The following TXN2 variants were observed in gnomAD, a reference collection of about 807,000 sequenced individuals.
The protein encoded by TXN2 is thioredoxin, mitochondrial.
TXN2 carries 12 observed loss-of-function variants against 14.6 expected under a neutral mutation model. That is an observed-to-expected ratio of 0.82 (90% confidence interval 0.53 to 1.33). The LOEUF is 1.33. Among genes scored for constraint, TXN2 ranks in the 40% most tolerant of loss-of-function variants. The pLI is 0.00. For synonymous variants in TXN2, 89 were observed against 81.0 expected (o/e 1.10, Z -0.53); for missense variants, 173 against 207.7 (o/e 0.83, Z 1.03).
chr22:36,473,429 C>T (rs568151322), intron 3 of TXN2, among the ~76,000 whole-genome samples: 12 of 152,006 alleles, frequency 7.9e-5, no homozygotes, highest in Non-Finnish European at 1.6e-4. Flanking sequence ...GGCGACAGAG[C>T]GAGACTCCAT....
At chr22:36,475,523 T>C (rs1734272773) in intron 3 of TXN2, among the ~76,000 whole-genome samples, 1 of 152,194 alleles carries the variant, frequency 6.6e-6, no homozygotes, top group South Asian at 2.1e-4. Context: ...TTTTTGTAAA[T>C]AAAGTTTTAT....
intron 3 of TXN2, among the ~76,000 whole-genome samples, chr22:36,475,938 C>G (rs1486380007): frequency 6.6e-6 from 1 of 152,166 alleles, no homozygotes; most frequent in East Asian, 1.9e-4. Flanking sequence ...ATTCCCTGTC[C>G]CCTCCAGCTC....
At position 36,467,095 on chromosome 22, in the gene TXN2, C is replaced by T. The variant is rs1207305478; in HGVS notation, c.*709G>A. On this transcript the variant is annotated 3_prime_UTR_variant, in exon 4 of 4. Coordinates refer to ENST00000216185, the MANE Select transcript of TXN2 (RefSeq NM_012473.4). ...TGTCTGACTTGTTCACAGTTCAGCC[C>T]CCTGCTCAGAAAACCAACGGGCCAG... The T allele has an allele frequency of 6.5e-6, 1 of 153,364 alleles. No homozygotes were observed. Among genetic ancestry groups the T allele is most frequent in the Non-Finnish European group, 1.5e-5 (1 of 68,658 alleles). The allele number at this position is 153,364 out of a possible 1,614,324, so 9.5% of individuals were successfully genotyped here. A position where few individuals can be genotyped will look rare whatever the true frequency, so the allele number is the denominator to read the frequency against.
chr22:36,467,771 G>T lies in TXN2; in HGVS notation c.*33C>A. 6.3e-7 allele frequency: 1 copy of T among 1,575,608 alleles called. No homozygotes were observed. The highest frequency in any genetic ancestry group is 8.7e-7 in the Non-Finnish European group (1 of 1,146,504). On this transcript the variant is annotated 3_prime_UTR_variant, in exon 4 of 4. Transcript: ENST00000216185. ...GGGCTGAGTTCTATTGGGGTCCCAC[G>T]CGGGCAAGGGAACCAGGACTCATCC...
In TXN2 at chr22:36,480,779, G is replaced by C. The variant is rs771945917; in HGVS notation, c.59C>G (p.Ser20Cys). The C allele has an allele frequency of 6.2e-7, 1 of 1,612,642 alleles. No homozygotes were observed. Among genetic ancestry groups the C allele is most frequent in the Admixed American group, 1.7e-5 (1 of 59,846 alleles). Residue 20 changes from serine to cysteine, a missense_variant, in exon 2 of 4, where the codon TCT becomes TGT. Physicochemically the swap from Ser to Cys is moderately radical, Grantham distance 112. Transcript: ENST00000216185. ...FLASVISRKP[S>C]QGQWPPLTSR... ...AGTGAGGGGTGGCCACTGACCCTGA[G>C]AGGGCTTCCTGGAGATGACAGAGGC...
intron 3 of TXN2, among the ~76,000 whole-genome samples, chr22:36,469,148 T>A (rs1470804037): frequency 1.3e-5 from 2 of 152,236 alleles, no homozygotes; most frequent in African/African-American, 4.8e-5. Flanking sequence ...GGCACGCCCC[T>A]CAGTCACTAA....
Position 36,480,853 on chromosome 22 carries a change from G to A in TXN2, c.1-16C>T. ...GCTGAGCCATCTGTGAGGGAAAGAGGCAGAAGAACTGGGGCACACAAAAGG... is the reference window on the plus strand; with the variant it reads ...GCTGAGCCATCTGTGAGGGAAAGAGACAGAAGAACTGGGGCACACAAAAGG... On this transcript the variant is annotated splice_polypyrimidine_tract_variant and intron_variant, in intron 1 of 3. Transcript: ENST00000216185. 1 of 1,540,082 alleles carries A rather than the reference G, an allele frequency of 6.5e-7. No homozygotes were observed. The highest frequency in any genetic ancestry group is 2.3e-5 in the East Asian group (1 of 44,044).
rs9622396 is a variant in TXN2, at chr22:36,467,365, G to A, written c.*439C>T. The stretch of plus-strand genomic sequence containing the variant: ...AGATAATTAGATATTACTCTCACTA[G>A]TTTGGGCTTCTTTTTTCTTTTTCTT... On this transcript the variant is annotated 3_prime_UTR_variant, in exon 4 of 4. Coordinates refer to ENST00000216185, the MANE Select transcript of TXN2 (RefSeq NM_012473.4). 1 of 185,392 alleles carries A rather than the reference G, an allele frequency of 5.4e-6. No homozygotes were observed. Among genetic ancestry groups the A allele is most frequent in the African/African-American group, 2.4e-5 (1 of 42,348 alleles). The allele number at this position is 185,392 out of a possible 1,614,324, so 11.5% of individuals were successfully genotyped here. A position where few individuals can be genotyped will look rare whatever the true frequency, so the allele number is the denominator to read the frequency against.
At position 36,481,518 on chromosome 22, in the gene TXN2, G is replaced by A. The variant is rs925915596; in HGVS notation, c.-1+46C>T. On this transcript the variant is annotated intron_variant, in intron 1 of 3. Transcript: ENST00000216185. ...CTGCGCAGGAACGCGCTCGCGGCAT[G>A]CCTCAGCCGCGACACCACCTCGAGC... 14 of 945,734 alleles carry A rather than the reference G, an allele frequency of 1.5e-5. No individual in the cohort carries two copies. In the South Asian group the frequency reaches 3.4e-4, roughly 23 times the overall value. The allele number at this position is 945,734 out of a possible 1,614,324, so 58.6% of individuals were successfully genotyped here. A position where few individuals can be genotyped will look rare whatever the true frequency, so the allele number is the denominator to read the frequency against.
chr22:36,477,679 C>T (rs765633604), intron 2 of TXN2, among the ~76,000 whole-genome samples: 17 of 152,180 alleles, frequency 1.1e-4, no homozygotes, highest in Non-Finnish European at 1.8e-4. Flanking sequence ...GCGTCTACAA[C>T]GCACCAGTCC....
At chr22:36,469,566 T>C (rs12159291) in intron 3 of TXN2, among the ~76,000 whole-genome samples, 26,208 of 152,098 alleles carry the variant, frequency 0.17, 3,033 homozygotes, top group African/African-American at 0.33. Flanking sequence ...ATGTGGAACG[T>C]GGATGAGGCT....
In TXN2 at chr22:36,480,828, G is replaced by C; in HGVS notation, c.10C>G (p.Arg4Gly). ...GCCAGGAACCTCCTCAGAAGAAGTC[G>C]CTGAGCCATCTGTGAGGGAAAGAGG... Reference protein sequence around the residue: MAQRLLLRRFLASV... With the variant: MAQGLLLRRFLASV... Residue 4 changes from arginine (R) to glycine (G), a missense_variant, in exon 2 of 4, where the codon CGA (arginine) becomes GGA (glycine). Coordinates refer to ENST00000216185, the MANE Select transcript of TXN2 (RefSeq NM_012473.4). 6.4e-7 allele frequency: 1 copy of C among 1,569,280 alleles called. No individual in the cohort carries two copies. Among genetic ancestry groups the C allele is most frequent in the Non-Finnish European group, 8.6e-7 (1 of 1,156,880 alleles).
chr22:36,480,814 C>A lies in TXN2; in HGVS notation c.24G>T (p.Arg8Ser). The change falls in exon 2 of 4, where the codon AGG becomes AGT. Residue 8 changes from arginine to serine, a missense_variant. Coordinates refer to ENST00000216185, the MANE Select transcript of TXN2 (RefSeq NM_012473.4). MAQRLLL[R>S]RFLASVISRK... ...TGGAGATGACAGAGGCCAGGAACCT[C>A]CTCAGAAGAAGTCGCTGAGCCATCT... 6 of 1,586,830 alleles carry A rather than the reference C, an allele frequency of 3.8e-6. No individual in the cohort carries two copies. The highest frequency in any genetic ancestry group is 5.1e-6 in the Non-Finnish European group (6 of 1,165,188).
chr22:36,468,107 GAAGA>G (rs1253585103), intron 3 of TXN2, among the ~76,000 whole-genome samples, 190 bp from the exon 4 acceptor site: 1 of 152,242 alleles, frequency 6.6e-6, no homozygotes, highest in Admixed American at 6.5e-5. Context: ...GCCACCCGCT[GAAGA>G]AACGTCTTCC....
In TXN2 at chr22:36,480,720, C is replaced by T; in HGVS notation, c.118G>A (p.Gly40Ser). The T allele has an allele frequency of 6.2e-7, 1 of 1,614,076 alleles. No individual in the cohort carries two copies. The highest frequency in any genetic ancestry group is 8.5e-7 in the Non-Finnish European group (1 of 1,180,020). The change falls in exon 2 of 4, where the codon GGT (glycine) becomes AGT (serine). Residue 40 changes from glycine to serine, a missense_variant. Transcript: ENST00000216185. ...RALQTPQCSP[G>S]GLTVTPNPAR... ...GGGTTGGGTGTTACAGTCAGGCCAC[C>T]AGGACTGCATTGTGGGGTCTGCAGG...
intron 3 of TXN2, among the ~76,000 whole-genome samples, chr22:36,475,235 C>G (rs980557982): frequency 1.2e-4 from 19 of 152,122 alleles, no homozygotes; most frequent in African/African-American, 3.6e-4. Context: ...AAAAATTAGC[C>G]GGCGTGGTGG....
chr22:36,472,467 T>C (rs959340412), intron 3 of TXN2, among the ~76,000 whole-genome samples: 3 of 152,156 alleles, frequency 2.0e-5, no homozygotes, highest in Non-Finnish European at 4.4e-5. Context: ...TGTAGGTTCA[T>C]AAGTTGTGAC....
chr22:36,471,690 C>T (rs1437879010), intron 3 of TXN2, among the ~76,000 whole-genome samples: 1 of 152,158 alleles, frequency 6.6e-6, no homozygotes, highest in Non-Finnish European at 1.5e-5. Flanking sequence ...TGGTGTAGGA[C>T]AGGCGCGGCA....
chr22:36,472,099 G>C (rs1360529113), intron 3 of TXN2, among the ~76,000 whole-genome samples: 2 of 152,244 alleles, frequency 1.3e-5, no homozygotes, highest in African/African-American at 4.8e-5. Context: ...CCCAGCAGGG[G>C]GAAGAACGTG....
Sources: allele counts gnomAD v4.1 joint callset (sites outside exome capture counted in the v4.1 genomes callset), GRCh38; gene constraint gnomAD v4.1.1; transcripts MANE v1.5; gene names NCBI Gene and HGNC (gene_info 2026-07-23, HGNC 2026-07-21).